The following GSTM2 variants were observed in gnomAD, a reference collection of about 807,000 sequenced individuals.
GSTM2 encodes GST class-mu 2.
Under a neutral mutation model 33.3 loss-of-function variants are expected in GSTM2, and 33 were observed. The observed-to-expected ratio is 0.99, with a 90% CI of 0.75 to 1.33. The LOEUF (loss-of-function observed/expected upper bound fraction) is 1.33, where lower values mean the gene tolerates loss of function less well. GSTM2 is among the 40% of genes most tolerant of loss of function. The pLI, the probability that GSTM2 is intolerant of heterozygous loss-of-function variation, is 0.00. For synonymous variants in GSTM2, 93 were observed against 95.6 expected, an observed-to-expected ratio of 0.97 and a Z score of 0.16; for missense variants, 213 against 265.8, an observed-to-expected ratio of 0.80 and a Z score of 1.38.
chr1:109,668,867 C>T (rs1647426086), intron 2 of GSTM2, 58 bp from the exon 3 acceptor site: 1 of 1,601,262 alleles, frequency 6.2e-7, no homozygotes, highest in Non-Finnish European at 8.5e-7. Context: ...GGAGGGTCCC[C>T]AGGAAGGAGG....
chr1:109,674,344 G>C (rs1048409346), intron 7 of GSTM2, among the ~76,000 whole-genome samples: 10 of 151,884 alleles, frequency 6.6e-5, no homozygotes, highest in African/African-American at 1.9e-4. Flanking sequence ...ACAGAACCAG[G>C]CTACATTGAA....
downstream of GSTM2, among the ~76,000 whole-genome samples, chr1:109,677,120 A>G (rs1306826107): frequency 6.6e-6 from 1 of 152,222 alleles, no homozygotes; most frequent in Non-Finnish European, 1.5e-5. Context: ...GCAGAAAGTT[A>G]AAAACCCCTA....
chr1:109,668,514 C>A lies in GSTM2; in HGVS notation c.112+14C>A, dbSNP rs376338102. Reference sequence around the variant, plus strand: ...CGATGGGGGACGGTAATGGCACCCTCGAGTCTGGGCCCTGCCCCCTCACAC... The same window carrying A: ...CGATGGGGGACGGTAATGGCACCCTAGAGTCTGGGCCCTGCCCCCTCACAC... On this transcript the variant is annotated intron_variant, in intron 2 of 7. Coordinates refer to ENST00000241337, the MANE Select transcript of GSTM2 (RefSeq NM_000848.4). 8.1e-6 allele frequency: 13 copies of A among 1,613,258 alleles called. No individual in the cohort carries two copies. The African/African-American group carries it at 1.5e-4, about 18-fold the overall frequency.
At chr1:109,668,844 C>T (rs1647425228) in intron 2 of GSTM2, 81 bp from the exon 3 acceptor site, 2 of 1,536,990 alleles carry the variant, frequency 1.3e-6, no homozygotes, top group Admixed American at 1.7e-5. Context: ...GGGGTCTTGC[C>T]ACTGGCTCCT....
rs1358916245 is a variant in GSTM2, at chr1:109,668,439, C to T, written c.51C>T (p.Ile17=). The T allele has an allele frequency of 6.2e-7, 1 of 1,614,204 alleles. No homozygotes were observed. Among genetic ancestry groups the T allele is most frequent in the East Asian group, 2.2e-5 (1 of 44,870 alleles). ...YWNIRGLAHS[I]RLLLEYTDSS... ...ATCTCTCCCAGCTGGCCCATTCCAT[C>T]CGCCTGCTCCTGGAATACACAGACT... The change falls in exon 2 of 8, where the codon ATC becomes ATT. Residue 17 remains isoleucine (I), a synonymous_variant. Coordinates refer to ENST00000241337, the MANE Select transcript of GSTM2 (RefSeq NM_000848.4).
At chr1:109,668,786 T>C (rs1647423801) in intron 2 of GSTM2, 139 bp from the exon 3 acceptor site, 16 of 1,055,588 alleles carry the variant, frequency 1.5e-5, no homozygotes, top group South Asian at 4.0e-5. Flanking sequence ...TTTCTCTGAA[T>C]CCTGGGATGT....
chr1:109,669,265 C>T, intron 3 of GSTM2, 25 bp from the exon 4 acceptor site: 1 of 1,613,810 alleles, frequency 6.2e-7, no homozygotes, highest in Non-Finnish European at 8.5e-7. Context: ...CCCAACTGAG[C>T]TTCCCCGGTT....
downstream of GSTM2, among the ~76,000 whole-genome samples, chr1:109,678,563 C>T (rs111525712): frequency 9.6e-5 from 14 of 146,370 alleles, 1 homozygote; most frequent in African/African-American, 3.3e-4. Flanking sequence ...GGCTTGTACA[C>T]GGTGAGACCA....
chr1:109,673,156 C>T (rs1260880404), intron 7 of GSTM2: 1 of 1,603,982 alleles, frequency 6.2e-7, no homozygotes, highest in Non-Finnish European at 8.5e-7. Context: ...AAGCGTGAGC[C>T]ACCGCGCCTG....
At chr1:109,669,160 G>C (rs1490262436) in intron 3 of GSTM2, 130 bp from the exon 4 acceptor site, 2 of 1,273,072 alleles carry the variant, frequency 1.6e-6, no homozygotes, top group African/African-American at 1.5e-5. Context: ...TCATTTATTA[G>C]TGTGACAGTA....
Position 109,671,375 on chromosome 1 carries a change from G to A in GSTM2, c.449G>A (p.Gly150Glu). The A allele has an allele frequency of 1.2e-6, 2 of 1,612,958 alleles. No individual in the cohort carries two copies. Among genetic ancestry groups the A allele is most frequent in the African/African-American group, 1.3e-5 (1 of 75,018 alleles). The change falls in exon 6 of 8, where the codon GGG becomes GAG. Residue 150 changes from glycine (G) to glutamate (E), a missense_variant. Transcript: ENST00000241337. ...CTGGGGAAGCAGCCATGGTTTCTTG[G>A]GGACAAGGTAATGGGGGCGTGTGAT... ...QFLGKQPWFL[G>E]DKITFVDFIA...
rs774334365 is a variant in GSTM2 at position 109,673,243 on chromosome 1, C to T, written c.568-1504C>T. 13 of 1,611,902 alleles carry T rather than the reference C, an allele frequency of 8.1e-6. No homozygotes were observed. The East Asian group carries it at 2.7e-4, about 33-fold the overall frequency. On this transcript the variant is annotated intron_variant, in intron 7 of 7. Coordinates refer to ENST00000241337, the MANE Select transcript of GSTM2 (RefSeq NM_000848.4). ...GATGAGTAGCACGCTGATTTTACTC[C>T]TGTTCACTGACCTTCTCCTCTGCAT...
chr1:109,681,883 T>G, intron 7 of GSTM2: 1 of 1,529,090 alleles, frequency 6.5e-7, no homozygotes, highest in Non-Finnish European at 8.9e-7. Context: ...GTCCTTCCCA[T>G]GTTAGGTCAT....
At chr1:109,673,627 G>T in intron 7 of GSTM2, 1 of 214,378 alleles carries the variant, frequency 4.7e-6, no homozygotes, top group South Asian at 6.9e-5. Flanking sequence ...ATGTGCCAGG[G>T]TCAAGCCTGT....
intron 7 of GSTM2, 91 bp downstream of exon 7, chr1:109,671,674 A>G: frequency 1.1e-6 from 1 of 880,764 alleles, no homozygotes; most frequent in Non-Finnish European, 1.9e-6. Context: ...ACAAAGAATA[A>G]CTCACATTTT....
At chr1:109,680,279 C>CAAA (rs5776993), downstream of GSTM2, among the ~76,000 whole-genome samples, 3 of 131,050 alleles carry the variant, frequency 2.3e-5, no homozygotes, top group African/African-American at 5.6e-5. Flanking sequence ...GTACACATAG[C>CAAA]AAAAAAAAAA....
At chr1:109,674,701 A>T in intron 7 of GSTM2, 46 bp from the exon 8 acceptor site, 1 of 1,613,728 alleles carries the variant, frequency 6.2e-7, no homozygotes, top group African/African-American at 1.3e-5. Flanking sequence ...GCCAGCCCTC[A>T]TGGGCAGCTG....
intron 1 of GSTM2, 42 bp downstream of exon 1, chr1:109,668,193 G>C (rs367954178): frequency 1.3e-6 from 2 of 1,529,478 alleles, no homozygotes; most frequent in Non-Finnish European, 9.0e-7. Flanking sequence ...GGGTGCGTGG[G>C]GGCGGGGAAG....
At position 109,669,346 on chromosome 1, in the gene GSTM2, G is replaced by C. The variant is rs2229047; in HGVS notation, c.234G>C (p.Arg78=). ...HKITQSNAIL[R]YIARKHNLCG... ...TCACCCAGAGCAACGCCATCCTGCG[G>C]TACATTGCCCGCAAGCACAACCTGT... Residue 78 remains arginine (R), a synonymous_variant, in exon 4 of 8, where the codon CGG becomes CGC. Transcript: ENST00000241337. 563 of 1,614,192 alleles carry C rather than the reference G, an allele frequency of 3.5e-4. 1 individual carries two copies. In the African/African-American group the frequency reaches 5.2e-3, roughly 15 times the overall value.
Sources: allele counts gnomAD v4.1 joint callset (sites outside exome capture counted in the v4.1 genomes callset), GRCh38; gene constraint gnomAD v4.1.1; transcripts MANE v1.5; gene names NCBI Gene and HGNC (gene_info 2026-07-23, HGNC 2026-07-21).